ARHGAP42: variants seen among roughly 807,000 people sequenced by gnomAD.
ARHGAP42 encodes rho GTPase-activating protein 42.
In ARHGAP42, 63 loss-of-function variants were observed where a neutral mutation model predicts 125.0. That is an observed-to-expected ratio of 0.50 (90% CI 0.41 to 0.62). ARHGAP42 has a LOEUF of 0.62. Ranked by LOEUF, ARHGAP42 falls within the 20% of genes least tolerant of loss-of-function variation. The pLI, the probability that ARHGAP42 is intolerant of heterozygous loss-of-function variation, is 0.00. For missense variants in ARHGAP42, 766 were observed against 1,024.2 expected (o/e 0.75, Z 3.44); for synonymous variants, 339 against 351.0 (o/e 0.97, Z 0.38).
chr11:100,776,660 C>T (rs778080678), intron 2 of ARHGAP42, among the ~76,000 whole-genome samples: 1 of 152,258 alleles, frequency 6.6e-6, no homozygotes, highest in East Asian at 1.9e-4. Context: ...GATATGCAGA[C>T]ATAGCAACAA....
At chr11:100,909,969 A>G (rs563096017) in intron 4 of ARHGAP42, among the ~76,000 whole-genome samples, 22 of 152,284 alleles carry the variant, frequency 1.4e-4, no homozygotes, top group Admixed American at 1.0e-3. Context: ...GTGTTACAGT[A>G]GTTTCCTTCC....
chr11:100,730,108 C>T (rs1325462000), intron 1 of ARHGAP42, among the ~76,000 whole-genome samples: 3 of 152,030 alleles, frequency 2.0e-5, no homozygotes, highest in Admixed American at 2.0e-4. Context: ...CTGTGCCTGG[C>T]CTAAATTTCA....
At position 100,935,675 on chromosome 11, in the gene ARHGAP42, C is replaced by CAGAGAG. The variant is rs200179371; in HGVS notation, c.703-527_703-526insGAGAGA. Among the ~76,000 whole-genome samples the CAGAGAG allele has an allele frequency of 9.7e-3, 1,022 of 104,880 alleles. 58 individuals are homozygous for CAGAGAG. In the East Asian group the frequency reaches 0.14, roughly 15 times the overall value. The allele number at this position is 104,880 out of a possible 152,430, so 68.8% of individuals were successfully genotyped here. On this transcript the variant is annotated intron_variant, in intron 7 of 23. Coordinates refer to ENST00000298815, the MANE Select transcript of ARHGAP42 (RefSeq NM_152432.4). ...AGAAGGTCACACACACACACACACACACAGAGAGAGAGAGAGAGAGATTCA... is the reference window on the plus strand; with the variant it reads ...AGAAGGTCACACACACACACACACACAGAGAGACAGAGAGAGAGAGAGAGAGATTCA...
intron 22 of ARHGAP42, among the ~76,000 whole-genome samples, chr11:100,986,515 A>G (rs1028376711): frequency 1.3e-5 from 2 of 152,166 alleles, no homozygotes; most frequent in Admixed American, 1.3e-4. Flanking sequence ...AAGGGTTGTC[A>G]GGGAAGTAAT....
chr11:100,805,618 C>T (rs561119391), intron 3 of ARHGAP42, among the ~76,000 whole-genome samples: 1 of 152,248 alleles, frequency 6.6e-6, no homozygotes, highest in South Asian at 2.1e-4. Flanking sequence ...GGCTGTTCAA[C>T]TGACTATACT....
intron 4 of ARHGAP42, among the ~76,000 whole-genome samples, chr11:100,901,593 T>G (rs1002048413): frequency 6.6e-6 from 1 of 152,172 alleles, no homozygotes; most frequent in Non-Finnish European, 1.5e-5. Context: ...CCGGCCACTT[T>G]GTTTACCTAT....
At chr11:100,783,879 C>G (rs1181628202) in intron 2 of ARHGAP42, among the ~76,000 whole-genome samples, 1 of 152,168 alleles carries the variant, frequency 6.6e-6, no homozygotes, top group Non-Finnish European at 1.5e-5. Flanking sequence ...CCTCCTGGTT[C>G]ATGCAAACAT....
chr11:100,799,327 G>C (rs191416320), intron 3 of ARHGAP42, among the ~76,000 whole-genome samples: 3 of 152,306 alleles, frequency 2.0e-5, no homozygotes, highest in African/African-American at 7.2e-5. Context: ...AGTGTGACCT[G>C]TACTACTAGA....
intron 4 of ARHGAP42, among the ~76,000 whole-genome samples, chr11:100,884,200 A>AT (rs1293115691): frequency 1.3e-5 from 2 of 152,078 alleles, no homozygotes; most frequent in African/African-American, 2.4e-5. Flanking sequence ...CTGTCAGCTG[A>AT]TTTTTTTCTA....
intron 1 of ARHGAP42, among the ~76,000 whole-genome samples, chr11:100,747,350 C>T (rs1196889126): frequency 1.3e-5 from 2 of 152,176 alleles, no homozygotes; most frequent in Non-Finnish European, 2.9e-5. Context: ...ACCAGATAAG[C>T]TAAATTTCAC....
At chr11:100,809,297 G>A in intron 3 of ARHGAP42, among the ~76,000 whole-genome samples, 1 of 152,178 alleles carries the variant, frequency 6.6e-6, no homozygotes, top group East Asian at 1.9e-4. Context: ...GATTGGCCCA[G>A]CTAAGGTCAC....
chr11:100,913,721 A>T (rs1300752810), intron 5 of ARHGAP42, among the ~76,000 whole-genome samples, 168 bp downstream of exon 5: 1 of 151,828 alleles, frequency 6.6e-6, no homozygotes, highest in Non-Finnish European at 1.5e-5. Flanking sequence ...ACACATTATA[A>T]CTGTTCCAAG....
intron 3 of ARHGAP42, among the ~76,000 whole-genome samples, chr11:100,810,199 T>TA (rs767588900): frequency 2.2e-4 from 33 of 151,242 alleles, no homozygotes; most frequent in Non-Finnish European, 3.8e-4. Flanking sequence ...TGTGTAAAAT[T>TA]AAAAAAAAAT....
At chr11:100,820,863 A>C (rs942378434) in intron 3 of ARHGAP42, among the ~76,000 whole-genome samples, 3 of 152,138 alleles carry the variant, frequency 2.0e-5, no homozygotes, top group African/African-American at 7.2e-5. Context: ...TATGATTTCT[A>C]GTAATAACAT....
chr11:100,897,448 G>A (rs187388035), intron 4 of ARHGAP42, among the ~76,000 whole-genome samples: 3,707 of 152,054 alleles, frequency 0.024, 61 homozygotes, highest in Non-Finnish European at 0.034. Flanking sequence ...CCATTTTCAC[G>A]ATATTGATTC....
intron 3 of ARHGAP42, among the ~76,000 whole-genome samples, chr11:100,833,041 ACT>A (rs1190264029): frequency 1.3e-5 from 2 of 152,144 alleles, no homozygotes; most frequent in Admixed American, 1.3e-4. Flanking sequence ...CAGAAGTCTA[ACT>A]CTGCATTTTT....
At chr11:100,766,502 G>A (rs932791854) in intron 1 of ARHGAP42, among the ~76,000 whole-genome samples, 2 of 152,130 alleles carry the variant, frequency 1.3e-5, no homozygotes, top group African/African-American at 2.4e-5. Context: ...AAAGGTTTTA[G>A]AAACAGCTCT....
intron 4 of ARHGAP42, among the ~76,000 whole-genome samples, chr11:100,897,660 G>A (rs1308989271): frequency 4.6e-5 from 7 of 152,162 alleles, no homozygotes; most frequent in Admixed American, 2.0e-4. Context: ...TTGGTGTATA[G>A]GAATGCTTGT....
chr11:100,899,170 C>A (rs1160704537), intron 4 of ARHGAP42, among the ~76,000 whole-genome samples: 1 of 152,162 alleles, frequency 6.6e-6, no homozygotes, highest in African/African-American at 2.4e-5. Context: ...GTTTCTTAAT[C>A]CTGAGTTCTA....
Sources: allele counts gnomAD v4.1 joint callset (sites outside exome capture counted in the v4.1 genomes callset), GRCh38; gene constraint gnomAD v4.1.1; transcripts MANE v1.5; gene names NCBI Gene and HGNC (gene_info 2026-07-23, HGNC 2026-07-21).